Variants in RIPOR3 observed in about 807,000 individuals in gnomAD.
The protein encoded by RIPOR3 is RIPOR family member 3, also known as family with sequence similarity 65 member C.
RIPOR3 carries 95 observed loss-of-function variants against 114.3 expected under a neutral mutation model. The observed-to-expected ratio is 0.83, with a 90% CI of 0.70 to 0.99. The LOEUF is 0.99. Ranked by LOEUF, RIPOR3 falls within the 50% of genes least tolerant of loss-of-function variation. The pLI, the probability that RIPOR3 is intolerant of heterozygous loss-of-function variation, is 0.00. For missense variants in RIPOR3, 1,252 were observed against 1,266.9 expected (o/e 0.99, Z 0.18); for synonymous variants, 575 against 543.8 (o/e 1.06, Z -0.80).
At chr20:50,673,923 G>A (rs1485043391) in intron 1 of RIPOR3, among the ~76,000 whole-genome samples, 1 of 152,174 alleles carries the variant, frequency 6.6e-6, no homozygotes, top group African/African-American at 2.4e-5. Flanking sequence ...GTAGCCCCAA[G>A]TCAAGACTCC....
intron 1 of RIPOR3, among the ~76,000 whole-genome samples, chr20:50,656,672 G>T (rs890384080): frequency 6.6e-6 from 1 of 151,874 alleles, no homozygotes; most frequent in Non-Finnish European, 1.5e-5. Flanking sequence ...GCTAATTTTT[G>T]TACTTTTAGT....
rs138491015 is a variant in RIPOR3, at chr20:50,630,175, C to T, written c.122+563G>A. Among the ~76,000 whole-genome samples, 1,149 of 152,212 alleles carry T rather than the reference C, an allele frequency of 7.5e-3. 10 individuals carry two copies. Among genetic ancestry groups the T allele is most frequent in the Non-Finnish European group, 0.011 (752 of 68,016 alleles). ...TAGAGACAGGGCTTCACCGTGTTGG[C>T]CAGGGTGGTCTCCAACTTCTGACCT... On this transcript the variant is annotated intron_variant, in intron 2 of 21. Transcript: ENST00000327979.
intron 12 of RIPOR3, among the ~76,000 whole-genome samples, chr20:50,603,597 A>C (rs1008476490): frequency 6.6e-6 from 1 of 152,182 alleles, no homozygotes; most frequent in African/African-American, 2.4e-5. Context: ...ACACCATAGA[A>C]ACAGCAGCAG....
chr20:50,605,686 A>C (rs1249166542), intron 11 of RIPOR3, among the ~76,000 whole-genome samples: 1 of 152,016 alleles, frequency 6.6e-6, no homozygotes, highest in Admixed American at 6.5e-5. Context: ...GCAGAGGTGG[A>C]AGGAGCACCT....
intron 1 of RIPOR3, among the ~76,000 whole-genome samples, chr20:50,673,547 G>A (rs1269228549): frequency 6.6e-6 from 1 of 152,146 alleles, no homozygotes; most frequent in Non-Finnish European, 1.5e-5. Context: ...CAAAGCCCCA[G>A]TCTCTGGAAA....
intron 5 of RIPOR3, 104 bp from the exon 6 acceptor site, chr20:50,611,010 C>CTTAGTGCCGGGCCGG: frequency 3.0e-5 from 47 of 1,549,092 alleles, no homozygotes; most frequent in Non-Finnish European, 3.5e-5. Flanking sequence ...GAGAATGGGG[C>CTTAGTGCCGGGCCGG]CCCTCACCAT....
chr20:50,614,311 C>T, intron 4 of RIPOR3, among the ~76,000 whole-genome samples: 1 of 152,188 alleles, frequency 6.6e-6, no homozygotes, highest in Non-Finnish European at 1.5e-5. Context: ...GCTGAGACTA[C>T]AAGCGTGAGC....
intron 1 of RIPOR3, among the ~76,000 whole-genome samples, chr20:50,633,980 CTTTTTTTT>C (rs375758598): frequency 5.3e-5 from 7 of 131,058 alleles, no homozygotes; most frequent in African/African-American, 2.0e-4. Context: ...TCTTTCTTTT[CTTTTTTTT>C]TTTTTTTTTT....
chr20:50,673,878 A>C (rs1406899315), intron 1 of RIPOR3, among the ~76,000 whole-genome samples: 2 of 152,198 alleles, frequency 1.3e-5, no homozygotes, highest in Non-Finnish European at 2.9e-5. Flanking sequence ...CTTGATGATG[A>C]ATAAATCACA....
At chr20:50,607,278 A>G (rs1457543903) in intron 11 of RIPOR3, among the ~76,000 whole-genome samples, 1 of 152,174 alleles carries the variant, frequency 6.6e-6, no homozygotes, top group African/African-American at 2.4e-5. Context: ...AAGAACCCCC[A>G]TGTGGAACAT....
intron 14 of RIPOR3, chr20:50,596,976 TTC>T (rs2083315440): frequency 6.5e-6 from 1 of 152,994 alleles, no homozygotes; most frequent in Middle Eastern, 3.1e-3. Flanking sequence ...CTTTTTCTTT[TTC>T]TTTTTTTGAG....
In RIPOR3 at chr20:50,587,074, C is replaced by A; in HGVS notation, c.*158G>T. ...CTCTGTACAAAAGACCAGCCCATGC[C>A]CTGGGGCTGGGTCAATGGCCGGAGT... On this transcript the variant is annotated 3_prime_UTR_variant, in exon 22 of 22. Transcript: ENST00000327979. The A allele has an allele frequency of 1.6e-6, 1 of 628,492 alleles. No individual in the cohort carries two copies. Among genetic ancestry groups the A allele is most frequent in the South Asian group, 1.9e-5 (1 of 52,032 alleles). 38.9% of individuals were successfully genotyped at this position (628,492 alleles called of 1,614,324 possible).
chr20:50,635,263 T>G (rs1197386184), intron 1 of RIPOR3, among the ~76,000 whole-genome samples: 1 of 152,232 alleles, frequency 6.6e-6, no homozygotes, highest in African/African-American at 2.4e-5. Flanking sequence ...TAGCCAGCAC[T>G]GCCTGCTACC....
intron 1 of RIPOR3, among the ~76,000 whole-genome samples, chr20:50,655,029 G>A (rs1311177465): frequency 2.6e-5 from 4 of 152,250 alleles, no homozygotes; most frequent in Admixed American, 6.5e-5. Flanking sequence ...GATTATGGGC[G>A]TGAGCCACTG....
intron 1 of RIPOR3, among the ~76,000 whole-genome samples, chr20:50,641,797 G>C (rs541648331): frequency 1.3e-5 from 2 of 152,322 alleles, no homozygotes; most frequent in Non-Finnish European, 2.9e-5. Context: ...GTTCCGCATG[G>C]CCACTGGCCT....
At position 50,619,980 on chromosome 20, in the gene RIPOR3, C is replaced by T; in HGVS notation, c.269+6G>A. ...TTCTTAAAGGCAGCACACAGCCCAGCCTTACTTGAGGCCTCTTTTCAATGC... is the reference window on the plus strand; with the variant it reads ...TTCTTAAAGGCAGCACACAGCCCAGTCTTACTTGAGGCCTCTTTTCAATGC... On this transcript the variant is annotated splice_donor_region_variant and intron_variant, in intron 3 of 21. Transcript: ENST00000327979. The T allele has an allele frequency of 6.2e-7, 1 of 1,610,642 alleles. No homozygotes were observed. The highest frequency in any genetic ancestry group is 1.3e-5 in the African/African-American group (1 of 75,010).
intron 4 of RIPOR3, 107 bp from the exon 5 acceptor site, chr20:50,611,311 A>G (rs556373951): frequency 1.4e-6 from 2 of 1,474,172 alleles, no homozygotes; most frequent in South Asian, 2.3e-5. Context: ...GTCAGAGGAC[A>G]GAAAGCCATG....
chr20:50,614,027 A>T (rs1023026074), intron 4 of RIPOR3, among the ~76,000 whole-genome samples: 4 of 151,630 alleles, frequency 2.6e-5, no homozygotes, highest in African/African-American at 4.9e-5. Context: ...TGCTTATTTC[A>T]TTCATTCATT....
intron 1 of RIPOR3, among the ~76,000 whole-genome samples, chr20:50,680,880 G>A (rs547107888): frequency 1.0e-3 from 157 of 152,306 alleles, no homozygotes; most frequent in African/African-American, 3.7e-3. Context: ...TCTGACAGGC[G>A]TAAGCCAAAG....
Sources: allele counts gnomAD v4.1 joint callset (sites outside exome capture counted in the v4.1 genomes callset), GRCh38; gene constraint gnomAD v4.1.1; transcripts MANE v1.5; gene names NCBI Gene and HGNC (gene_info 2026-07-23, HGNC 2026-07-21).